Variants in SCHIP1 observed in about 807,000 individuals in gnomAD.
The protein encoded by SCHIP1 is schwannomin-interacting protein 1.
In SCHIP1, 8 loss-of-function variants were observed where a neutral mutation model predicts 29.7. The ratio of observed to expected loss-of-function variants is 0.27; its 90% CI spans 0.16 to 0.49. The LOEUF (loss-of-function observed/expected upper bound fraction) is 0.49, where lower values mean the gene tolerates loss of function less well. SCHIP1 is among the 20% of genes least tolerant of loss of function. SCHIP1 has a pLI of 0.99. For synonymous variants in SCHIP1, 76 were observed against 94.9 expected (o/e 0.80, Z 1.16); for missense variants, 193 against 294.6 (o/e 0.66, Z 2.52).
At chr3:159,757,892 C>G in the SCHIP1 span, among the ~76,000 whole-genome samples, 1 of 152,188 alleles carries the variant, frequency 6.6e-6, no homozygotes, top group Admixed American at 6.5e-5. Context: ...ATGACCAAAA[C>G]AGTTTTAAAT....
chr3:159,515,812 G>A, the SCHIP1 span, among the ~76,000 whole-genome samples: 1 of 152,130 alleles, frequency 6.6e-6, no homozygotes, highest in South Asian at 2.1e-4. Context: ...AACACATACT[G>A]TGTAGCAGGC....
At chr3:159,725,619 C>G in the SCHIP1 span, among the ~76,000 whole-genome samples, 1 of 152,168 alleles carries the variant, frequency 6.6e-6, no homozygotes, top group African/African-American at 2.4e-5. Context: ...TCTGCCCACT[C>G]TCCCAGTGGA....
the SCHIP1 span, among the ~76,000 whole-genome samples, chr3:159,569,709 G>A: frequency 1.1e-4 from 17 of 152,102 alleles, no homozygotes; most frequent in African/African-American, 4.1e-4. Context: ...GGGTCAAATG[G>A]CAATTCTTGT....
intron 2 of SCHIP1, among the ~76,000 whole-genome samples, chr3:159,866,653 A>G (rs1714660127): frequency 6.6e-6 from 1 of 150,880 alleles, no homozygotes; most frequent in Non-Finnish European, 1.5e-5. Flanking sequence ...CAGATCACCC[A>G]GAATCACCCC....
the SCHIP1 span, among the ~76,000 whole-genome samples, chr3:159,582,133 A>G: frequency 2.0e-5 from 3 of 151,900 alleles, no homozygotes; most frequent in East Asian, 5.8e-4. Context: ...GGTTTTTTTT[A>G]TGTTGTTGGT....
chr3:159,700,849 GA>G, the SCHIP1 span, among the ~76,000 whole-genome samples: 7 of 151,644 alleles, frequency 4.6e-5, 1 homozygote, highest in Admixed American at 1.3e-4. Flanking sequence ...TTCTGAGACA[GA>G]AAAATAAATT....
the SCHIP1 span, among the ~76,000 whole-genome samples, chr3:159,546,751 C>T: frequency 6.6e-6 from 1 of 152,126 alleles, no homozygotes; most frequent in Non-Finnish European, 1.5e-5. Context: ...ACGACATGAA[C>T]TCATTCTTTT....
the SCHIP1 span, among the ~76,000 whole-genome samples, chr3:159,338,067 G>T: frequency 1.3e-5 from 2 of 152,134 alleles, no homozygotes; most frequent in Non-Finnish European, 2.9e-5. Context: ...ACAAATATTT[G>T]CTGAGTTCCC....
chr3:159,685,653 G>A, the SCHIP1 span, among the ~76,000 whole-genome samples: 1 of 152,200 alleles, frequency 6.6e-6, no homozygotes, highest in African/African-American at 2.4e-5. Flanking sequence ...GCTTTAAAAG[G>A]AGGAAATGTT....
At chr3:159,654,802 TA>T in the SCHIP1 span, among the ~76,000 whole-genome samples, 33,154 of 103,708 alleles carry the variant, frequency 0.32, 4,065 homozygotes, top group Middle Eastern at 0.38. Context: ...TGACTTTAAG[TA>T]AAAAAAAAAA....
At chr3:159,655,839 G>A in the SCHIP1 span, among the ~76,000 whole-genome samples, 1 of 152,070 alleles carries the variant, frequency 6.6e-6, no homozygotes, top group Non-Finnish European at 1.5e-5. Context: ...CAGTGAGCTG[G>A]GATTGTGCCA....
chr3:159,583,732 C>A, the SCHIP1 span, among the ~76,000 whole-genome samples: 1 of 152,156 alleles, frequency 6.6e-6, no homozygotes, highest in Non-Finnish European at 1.5e-5. Context: ...GTCAATGAAT[C>A]TTTTGGCTGC....
the SCHIP1 span, among the ~76,000 whole-genome samples, chr3:159,354,112 A>T: frequency 6.6e-6 from 1 of 152,226 alleles, no homozygotes; most frequent in South Asian, 2.1e-4. Context: ...AATAACAACA[A>T]AATTGAATGA....
chr3:159,837,165 C>T (rs995391226), upstream of SCHIP1, among the ~76,000 whole-genome samples: 1 of 151,712 alleles, frequency 6.6e-6, no homozygotes, highest in African/African-American at 2.4e-5. Flanking sequence ...TGTAATATAT[C>T]CCATTGTCTT....
At chr3:159,588,850 G>C in the SCHIP1 span, among the ~76,000 whole-genome samples, 1 of 152,320 alleles carries the variant, frequency 6.6e-6, no homozygotes, top group South Asian at 2.1e-4. Context: ...GTACCATGCT[G>C]TTTTGGTTAC....
chr3:159,428,390 T>C, the SCHIP1 span, among the ~76,000 whole-genome samples: 7 of 151,574 alleles, frequency 4.6e-5, no homozygotes, highest in East Asian at 3.9e-4. Flanking sequence ...GCAAAGGACA[T>C]GAACAGACAT....
At chr3:159,828,388 CATATAT>C in the SCHIP1 span, among the ~76,000 whole-genome samples, 57 of 65,370 alleles carry the variant, frequency 8.7e-4, no homozygotes, top group Admixed American at 1.8e-3. Context: ...TATATATATA[CATATAT>C]ACGTATATAT....
rs572816546 is a variant in SCHIP1, at chr3:159,853,550, C to A, written c.31-12613C>A. 19 of 557,740 alleles carry A rather than the reference C, an allele frequency of 3.4e-5. No individual in the cohort carries two copies. The African/African-American group carries it at 3.6e-4, about 11-fold the overall frequency. The allele number at this position is 557,740 out of a possible 1,614,324, so 34.5% of individuals were successfully genotyped here. ...TTGAGGAGTGGCCAAATTCCACACT[C>A]AGTGGCTATTGCCATAATATAGTCA... On this transcript the variant is annotated intron_variant, in intron 1 of 6. Transcript: ENST00000445224.
At chr3:159,649,848 C>A in the SCHIP1 span, among the ~76,000 whole-genome samples, 1 of 152,038 alleles carries the variant, frequency 6.6e-6, no homozygotes, top group Non-Finnish European at 1.5e-5. Context: ...AATAGTAGGA[C>A]CAAAGTGGAG....
Sources: allele counts gnomAD v4.1 joint callset (sites outside exome capture counted in the v4.1 genomes callset), GRCh38; gene constraint gnomAD v4.1.1; transcripts MANE v1.5; gene names NCBI Gene and HGNC (gene_info 2026-07-23, HGNC 2026-07-21).